The following ZNF385C variants were observed in gnomAD, a reference collection of about 807,000 sequenced individuals.
The protein encoded by ZNF385C is zinc finger protein 385C, also known as CTD-2132N18.2.
In ZNF385C, 28 loss-of-function variants were observed where a neutral mutation model predicts 35.4. The ratio of observed to expected loss-of-function variants is 0.79; its 90% CI spans 0.59 to 1.08. The LOEUF is 1.08. Among genes scored for constraint, ZNF385C ranks in the 50% least tolerant of loss-of-function variants. The probability of loss-of-function intolerance (pLI) is 0.00; values close to 1 mark genes in which losing one functional copy is unlikely to be tolerated. For synonymous variants in ZNF385C, 248 were observed against 248.2 expected, an observed-to-expected ratio of 1.00 and a Z score of 0.01; for missense variants, 605 against 595.6, an observed-to-expected ratio of 1.02 and a Z score of -0.16.
chr17:42,044,985 T>C (rs558038857), intron 2 of ZNF385C, among the ~76,000 whole-genome samples: 4 of 150,740 alleles, frequency 2.7e-5, no homozygotes, highest in Non-Finnish European at 5.9e-5. Context: ...TGGCGCAATC[T>C]TGGCTCACTG....
chr17:42,074,055 G>A (rs969316540), intron 1 of ZNF385C, among the ~76,000 whole-genome samples: 28 of 152,180 alleles, frequency 1.8e-4, no homozygotes, highest in African/African-American at 6.8e-4. Context: ...TTGTCACTCA[G>A]GCCCCAGCTC....
In ZNF385C at chr17:42,026,500, C is replaced by T. The variant is rs1402177587; in HGVS notation, c.*397G>A. ...GACCCCATCCCTATCTCCAGTGAAG[C>T]CCCAAAGCCTAGGAATAGAGGTCAG... On this transcript the variant is annotated 3_prime_UTR_variant, in exon 9 of 9. Transcript: ENST00000692273. 3 of 246,368 alleles carry T rather than the reference C, an allele frequency of 1.2e-5. No individual in the cohort carries two copies. The highest frequency in any genetic ancestry group is 1.3e-4 in the East Asian group (1 of 7,560). The allele number at this position is 246,368 out of a possible 1,614,324, so 15.3% of individuals were successfully genotyped here. A position where few individuals can be genotyped will look rare whatever the true frequency, so the allele number is the denominator to read the frequency against.
At chr17:42,069,777 T>C (rs1458794614) in intron 1 of ZNF385C, among the ~76,000 whole-genome samples, 4 of 151,610 alleles carry the variant, frequency 2.6e-5, no homozygotes, top group Non-Finnish European at 5.9e-5. Context: ...GCGTGGTGGC[T>C]CTTGCCTGTA....
intron 1 of ZNF385C, among the ~76,000 whole-genome samples, chr17:42,069,763 C>T (rs1436696684): frequency 6.6e-6 from 1 of 152,246 alleles, no homozygotes; most frequent in Non-Finnish European, 1.5e-5. Context: ...AGAGAGGGGG[C>T]CAGGCGTGGT....
chr17:42,085,879 G>A (rs1202220492), intron 1 of ZNF385C, among the ~76,000 whole-genome samples: 1 of 151,956 alleles, frequency 6.6e-6, no homozygotes, highest in African/African-American at 2.4e-5. Context: ...TTACAGGCGT[G>A]AGCCACCACG....
intron 5 of ZNF385C, among the ~76,000 whole-genome samples, chr17:42,029,411 G>A (rs1410385389): frequency 1.3e-5 from 2 of 152,198 alleles, no homozygotes; most frequent in African/African-American, 4.8e-5. Context: ...CAACAGGAGA[G>A]CAGATTTTTA....
chr17:42,070,781 A>G (rs1393621840), intron 1 of ZNF385C, among the ~76,000 whole-genome samples: 6 of 152,170 alleles, frequency 3.9e-5, no homozygotes, highest in African/African-American at 1.4e-4. Flanking sequence ...AGAGAGAAGC[A>G]CCTGGAAGAA....
At position 42,031,695 on chromosome 17, in the gene ZNF385C, G is replaced by A. The variant is rs1282248629; in HGVS notation, c.600C>T (p.Thr200=). ...ACACTACAGCCCCATCCTGGGCCTG[G>A]GTGTGTGGCCTCTGCTTGCTCTTGG... ...EAAKSKQRPH[T]QAQDGAVVSP... Residue 200 remains threonine, a synonymous_variant, in exon 5 of 9, where the codon ACC becomes ACT. Transcript: ENST00000692273. The A allele has an allele frequency of 3.2e-6, 5 of 1,550,592 alleles. No individual in the cohort carries two copies. The African/African-American group carries it at 4.1e-5, about 13-fold the overall frequency.
intron 2 of ZNF385C, among the ~76,000 whole-genome samples, chr17:42,047,620 C>T (rs1158645540): frequency 1.3e-5 from 2 of 151,916 alleles, no homozygotes; most frequent in Non-Finnish European, 2.9e-5. Flanking sequence ...GGAAAGGCTG[C>T]CAGATGCAAT....
chr17:42,097,890 AC>A (rs1484329610), intron 1 of ZNF385C, among the ~76,000 whole-genome samples: 1 of 152,118 alleles, frequency 6.6e-6, no homozygotes, highest in Non-Finnish European at 1.5e-5. Flanking sequence ...ACCCCCTTGT[AC>A]CCAGATGTAA....
At chr17:42,040,813 G>A (rs1234731705) in intron 2 of ZNF385C, 7 of 1,232,158 alleles carry the variant, frequency 5.7e-6, no homozygotes, top group African/African-American at 3.1e-5. Flanking sequence ...CAAGTAGGCC[G>A]GGGGCTCAGG....
At chr17:42,093,107 G>A (rs1429907940) in intron 1 of ZNF385C, among the ~76,000 whole-genome samples, 1 of 152,216 alleles carries the variant, frequency 6.6e-6, no homozygotes, top group African/African-American at 2.4e-5. Context: ...TGGGAGCGAT[G>A]GGGAGGCCAC....
At chr17:42,036,003 A>AT (rs1381698530) in intron 3 of ZNF385C, among the ~76,000 whole-genome samples, 1 of 148,530 alleles carries the variant, frequency 6.7e-6, no homozygotes, top group Non-Finnish European at 1.5e-5. Context: ...TCTTTTCCTT[A>AT]TTATTTTTTT....
intron 2 of ZNF385C, among the ~76,000 whole-genome samples, chr17:42,053,412 C>T (rs10852950): frequency 6.6e-6 from 1 of 151,910 alleles, no homozygotes; most frequent in Non-Finnish European, 1.5e-5. Flanking sequence ...TTCTGTCCCC[C>T]TCTGTCTGCT....
At chr17:42,098,302 GT>G (rs2053937967) in intron 1 of ZNF385C, 107 bp downstream of exon 1, 1 of 152,282 alleles carries the variant, frequency 6.6e-6, no homozygotes, top group Non-Finnish European at 1.5e-5. Flanking sequence ...GTCCCTTGGG[GT>G]CCCCCAATTT....
Position 42,026,040 on chromosome 17 carries a change from G to A in ZNF385C, c.*857C>T, listed in dbSNP as rs1283801940. The stretch of plus-strand genomic sequence containing the variant: ...GTTGGGGTTCAGGAAGTCAGAGAAA[G>A]GCTAAGAAGAAGAGCTTCTGAGGGA... On this transcript the variant is annotated 3_prime_UTR_variant, in exon 9 of 9. Coordinates refer to ENST00000692273, the MANE Select transcript of ZNF385C (RefSeq NM_001392013.1). 6.6e-6 allele frequency: 1 copy of A among 152,156 alleles called. No homozygotes were observed. The highest frequency in any genetic ancestry group is 1.5e-5 in the Non-Finnish European group (1 of 68,088). 9.4% of individuals were successfully genotyped at this position (152,156 alleles called of 1,614,324 possible).
chr17:42,085,070 G>A (rs2053791812), intron 1 of ZNF385C, among the ~76,000 whole-genome samples: 1 of 152,102 alleles, frequency 6.6e-6, no homozygotes, highest in Non-Finnish European at 1.5e-5. Context: ...GCCAAGACAG[G>A]CAGATCACCT....
chr17:42,077,692 C>T (rs782550989), intron 1 of ZNF385C, among the ~76,000 whole-genome samples: 4 of 152,188 alleles, frequency 2.6e-5, no homozygotes, highest in Non-Finnish European at 2.9e-5. Flanking sequence ...CTTCCCTGCT[C>T]GGCCCACAGC....
At chr17:42,084,534 A>G (rs1555659987) in intron 1 of ZNF385C, among the ~76,000 whole-genome samples, 2 of 152,142 alleles carry the variant, frequency 1.3e-5, no homozygotes, top group South Asian at 4.1e-4. Context: ...TTTCAGTTAC[A>G]TTTATGAGTG....
Sources: gnomAD v4.1 joint callset for allele counts (sites outside exome capture counted in the v4.1 genomes callset) on GRCh38, gnomAD v4.1.1 for gene constraint, MANE v1.5 for transcripts, NCBI Gene and HGNC (gene_info 2026-07-23, HGNC 2026-07-21) for gene names.